ACTR3C: variants seen among roughly 807,000 people sequenced by gnomAD.
The protein encoded by ACTR3C is actin related protein 3C, also known as actin-related protein 3C.
ACTR3C carries 18 observed loss-of-function variants against 26.3 expected under a neutral mutation model. That is an observed-to-expected ratio of 0.68 (90% CI 0.47 to 1.01). The LOEUF (loss-of-function observed/expected upper bound fraction) is 1.01. Among genes scored for constraint, ACTR3C ranks in the 50% least tolerant of loss-of-function variants. ACTR3C has a pLI of 0.00. For missense variants in ACTR3C, 184 were observed against 250.7 expected (o/e 0.73, Z 1.80); for synonymous variants, 55 against 94.5 (o/e 0.58, Z 2.42).
chr7:150,225,350 A>C, the ACTR3C span, among the ~76,000 whole-genome samples: 2 of 152,206 alleles, frequency 1.3e-5, no homozygotes, highest in East Asian at 3.8e-4. Context: ...TATTCAGCCA[A>C]ATATTAATTC....
chr7:150,032,823 A>T, the ACTR3C span, among the ~76,000 whole-genome samples: 1 of 152,028 alleles, frequency 6.6e-6, no homozygotes, highest in South Asian at 2.1e-4. Flanking sequence ...GTCGTCGTGG[A>T]ATGTGTCTAT....
At chr7:150,054,248 A>G in the ACTR3C span, among the ~76,000 whole-genome samples, 1 of 152,216 alleles carries the variant, frequency 6.6e-6, no homozygotes, top group South Asian at 2.1e-4. Flanking sequence ...TCCATATTCA[A>G]AACTGTAACA....
chr7:149,932,164 G>A, the ACTR3C span, among the ~76,000 whole-genome samples: 1 of 152,172 alleles, frequency 6.6e-6, no homozygotes, highest in African/African-American at 2.4e-5. Context: ...AAAAGGAATG[G>A]AGTTTAGATA....
At chr7:150,002,986 C>T in the ACTR3C span, 1 of 152,392 alleles carries the variant, frequency 6.6e-6, no homozygotes, top group Non-Finnish European at 1.5e-5. Flanking sequence ...TGGCTCATCC[C>T]AGGGTTCTGC....
the ACTR3C span, among the ~76,000 whole-genome samples, chr7:149,991,146 C>G: frequency 6.6e-6 from 1 of 152,220 alleles, no homozygotes; most frequent in South Asian, 2.1e-4. Flanking sequence ...CAGACAAAGA[C>G]AGCAAGTGCA....
At chr7:150,038,684 C>A in the ACTR3C span, among the ~76,000 whole-genome samples, 24 of 143,148 alleles carry the variant, frequency 1.7e-4, 3 homozygotes, top group African/African-American at 2.1e-4. Flanking sequence ...GAACTTTCTA[C>A]TTGGACACCT....
intron 6 of ACTR3C, among the ~76,000 whole-genome samples, chr7:150,276,848 T>C (rs2129611508): frequency 6.6e-6 from 1 of 152,306 alleles, no homozygotes; most frequent in Non-Finnish European, 1.5e-5. Flanking sequence ...TAGAGTTTTC[T>C]TTCTCTTCTC....
chr7:150,188,430 G>A, the ACTR3C span, among the ~76,000 whole-genome samples: 6 of 151,556 alleles, frequency 4.0e-5, no homozygotes, highest in African/African-American at 1.5e-4. Flanking sequence ...GTTGCATACA[G>A]GCCTGGTGTG....
At chr7:150,031,583 C>T in the ACTR3C span, among the ~76,000 whole-genome samples, 14 of 152,296 alleles carry the variant, frequency 9.2e-5, no homozygotes, top group Admixed American at 2.6e-4. Flanking sequence ...CCACTGATGT[C>T]GGTGGAACAC....
chr7:150,039,199 TC>T, the ACTR3C span, among the ~76,000 whole-genome samples: 1 of 144,516 alleles, frequency 6.9e-6, no homozygotes, highest in Non-Finnish European at 1.5e-5. Context: ...GGGGGGTGCC[TC>T]CCACCTCTGC....
the ACTR3C span, among the ~76,000 whole-genome samples, chr7:150,123,097 A>T: frequency 1.3e-5 from 2 of 151,496 alleles, no homozygotes; most frequent in African/African-American, 4.9e-5. Flanking sequence ...GGTGGGGGAC[A>T]AGGGGAGGGA....
intron 4 of ACTR3C, among the ~76,000 whole-genome samples, chr7:150,288,132 A>G (rs1835929585): frequency 7.0e-6 from 1 of 142,008 alleles, no homozygotes; most frequent in Admixed American, 6.8e-5. Flanking sequence ...TACCCCACAG[A>G]GCAGGGCCAG....
At chr7:149,946,479 C>G in the ACTR3C span, among the ~76,000 whole-genome samples, 17 of 152,176 alleles carry the variant, frequency 1.1e-4, no homozygotes, top group African/African-American at 3.9e-4. Context: ...CTCCACGGAG[C>G]CCTGGTATTT....
chr7:150,121,627 G>T, the ACTR3C span, among the ~76,000 whole-genome samples: 1 of 149,584 alleles, frequency 6.7e-6, no homozygotes, highest in Non-Finnish European at 1.5e-5. Context: ...TGGATAAGAA[G>T]AATCAATATT....
the ACTR3C span, among the ~76,000 whole-genome samples, chr7:150,101,581 C>T: frequency 4.6e-5 from 7 of 151,784 alleles, no homozygotes; most frequent in African/African-American, 1.7e-4. Context: ...CAGAGGAGAG[C>T]GGGGCTGCCC....
chr7:150,032,287 A>C, the ACTR3C span, among the ~76,000 whole-genome samples: 1 of 152,154 alleles, frequency 6.6e-6, no homozygotes, highest in Non-Finnish European at 1.5e-5. Flanking sequence ...ACCTGAAAGG[A>C]GGGGTGCATT....
At chr7:150,232,829 A>T in the ACTR3C span, among the ~76,000 whole-genome samples, 616 of 151,528 alleles carry the variant, frequency 4.1e-3, 6 homozygotes, top group African/African-American at 0.014. Context: ...ACTCAAAAAA[A>T]ATATAAAAAT....
At chr7:150,161,204 A>T in the ACTR3C span, among the ~76,000 whole-genome samples, 7 of 57,024 alleles carry the variant, frequency 1.2e-4, 1 homozygote, top group East Asian at 3.0e-3. Flanking sequence ...GAAAGTATTT[A>T]TATATATATA....
the ACTR3C span, among the ~76,000 whole-genome samples, chr7:150,013,979 G>T: frequency 5.9e-5 from 9 of 152,142 alleles, no homozygotes; most frequent in Non-Finnish European, 1.3e-4. Flanking sequence ...ATTCTGCACA[G>T]AGTCTGCCAA....
Sources: allele counts gnomAD v4.1 joint callset (sites outside exome capture counted in the v4.1 genomes callset), GRCh38; gene constraint gnomAD v4.1.1; transcripts MANE v1.5; gene names NCBI Gene and HGNC (gene_info 2026-07-23, HGNC 2026-07-21).